RBPJ: variants seen among roughly 807,000 people sequenced by gnomAD.
RBPJ encodes recombining binding protein suppressor of hairless.
Under a neutral mutation model 67.8 loss-of-function variants are expected in RBPJ, and 9 were observed. The ratio of observed to expected loss-of-function variants is 0.13; its 90% CI spans 0.08 to 0.23. The LOEUF is 0.23. RBPJ is among the 10% of genes least tolerant of loss of function. The pLI, the probability that RBPJ is intolerant of heterozygous loss-of-function variation, is 1.00. For missense variants in RBPJ, 305 were observed against 595.6 expected, an observed-to-expected ratio of 0.51 and a Z score of 5.08; for synonymous variants, 198 against 203.3, an observed-to-expected ratio of 0.97 and a Z score of 0.22.
At chr4:26,320,843 G>C (rs775971882), upstream of RBPJ, 5 of 1,567,338 alleles carry the variant, frequency 3.2e-6, no homozygotes, top group Admixed American at 3.9e-5. Context: ...GCAGCGAGCA[G>C]GATCCCCTAC....
the RBPJ span, among the ~76,000 whole-genome samples, chr4:26,154,889 G>A: frequency 2.6e-5 from 4 of 152,148 alleles, no homozygotes; most frequent in African/African-American, 9.7e-5. Context: ...ATGGTGTGAA[G>A]CCATTAATGA....
intron 1 of RBPJ, among the ~76,000 whole-genome samples, chr4:26,287,368 C>T (rs1431328888): frequency 6.6e-6 from 1 of 151,464 alleles, no homozygotes; most frequent in Non-Finnish European, 1.5e-5. Context: ...AGCGAGACCC[C>T]ATCTCTAGCA....
chr4:26,375,928 A>G (rs181510052), intron 1 of RBPJ, among the ~76,000 whole-genome samples: 203 of 152,198 alleles, frequency 1.3e-3, no homozygotes, highest in African/African-American at 4.7e-3. Flanking sequence ...ATATTCATAC[A>G]TATACTCCTC....
At chr4:26,200,665 A>G (rs975856438) in intron 1 of RBPJ, among the ~76,000 whole-genome samples, 4 of 137,972 alleles carry the variant, frequency 2.9e-5, no homozygotes, top group Non-Finnish European at 6.5e-5. Flanking sequence ...TATCTGAAAA[A>G]AAAAAGAAAA....
intron 1 of RBPJ, among the ~76,000 whole-genome samples, chr4:26,337,390 A>G (rs993296541): frequency 3.3e-5 from 5 of 152,084 alleles, no homozygotes; most frequent in Non-Finnish European, 7.4e-5. Context: ...TTTCCTCTAC[A>G]TAAATTGAAT....
chr4:26,264,391 T>C lies in RBPJ; in HGVS notation c.-166-98055T>C, dbSNP rs1470321262. On this transcript the variant is annotated intron_variant, in intron 1 of 4. Transcript: ENST00000512351. The surrounding 1 kb of genome is among the most constrained non-coding windows in gnomAD (Gnocchi z 4.1). ...AGTCTGGAGCACTATGACAGCCTTC[T>C]GACTAACCTCCCTATCTCTCTTCTT... 6.6e-6 allele frequency among the ~76,000 whole-genome samples: 1 copy of C among 152,220 alleles called. No individual in the cohort carries two copies. Among genetic ancestry groups the C allele is most frequent in the Admixed American group, 6.5e-5 (1 of 15,278 alleles).
At chr4:26,283,010 A>C (rs561743011) in intron 1 of RBPJ, among the ~76,000 whole-genome samples, 131 of 135,324 alleles carry the variant, frequency 9.7e-4, no homozygotes, top group Non-Finnish European at 1.7e-3. Flanking sequence ...GGCTCACTGC[A>C]AGCTCCTCCT....
intron 3 of RBPJ, 43 bp from the exon 4 acceptor site, chr4:26,415,432 G>A (rs1369892171): frequency 1.4e-6 from 2 of 1,429,424 alleles, no homozygotes; most frequent in Non-Finnish European, 1.9e-6. Flanking sequence ...GAATCTAATT[G>A]ATTTTTGCTT....
chr4:26,151,195 G>T, the RBPJ span, among the ~76,000 whole-genome samples: 3 of 152,146 alleles, frequency 2.0e-5, no homozygotes, highest in Admixed American at 1.3e-4. Context: ...TGCATTTGGG[G>T]TTTTTTCCAG....
chr4:26,107,433 C>A, the RBPJ span, among the ~76,000 whole-genome samples: 1 of 152,224 alleles, frequency 6.6e-6, no homozygotes, highest in Non-Finnish European at 1.5e-5. Context: ...TGCAGGACAC[C>A]ACTTCAAATG....
At chr4:26,214,625 A>AG (rs1718573181) in intron 1 of RBPJ, among the ~76,000 whole-genome samples, 2 of 72,710 alleles carry the variant, frequency 2.8e-5, no homozygotes, top group African/African-American at 1.5e-4. Context: ...AAAAAGAAAA[A>AG]AGAGAAAGAA....
At chr4:26,242,266 T>A (rs1719664797) in intron 1 of RBPJ, among the ~76,000 whole-genome samples, 1 of 151,524 alleles carries the variant, frequency 6.6e-6, no homozygotes, top group Non-Finnish European at 1.5e-5. Context: ...GCTAACATGG[T>A]GAAACCCCAT....
intron 1 of RBPJ, among the ~76,000 whole-genome samples, chr4:26,351,563 TAGAG>T (rs940016413): frequency 1.3e-5 from 2 of 152,142 alleles, no homozygotes; most frequent in Non-Finnish European, 2.9e-5. Context: ...GTATTTTTTG[TAGAG>T]AGAGGGTCTC....
chr4:26,328,495 G>A (rs890851595), intron 1 of RBPJ, among the ~76,000 whole-genome samples: 1 of 152,188 alleles, frequency 6.6e-6, no homozygotes, highest in Non-Finnish European at 1.5e-5. Context: ...GAACACAGAT[G>A]TAAATGATTA....
chr4:26,386,323 A>T, intron 1 of RBPJ, 30 bp from the exon 2 acceptor site: 1 of 1,535,290 alleles, frequency 6.5e-7, no homozygotes, highest in East Asian at 2.3e-5. Flanking sequence ...AGCTTACTTA[A>T]CTTTATTTTC....
the RBPJ span, among the ~76,000 whole-genome samples, chr4:26,120,967 G>A: frequency 6.6e-6 from 1 of 151,628 alleles, no homozygotes; most frequent in Non-Finnish European, 1.5e-5. Context: ...GGGGGGAAAG[G>A]AGAGGGAGAG....
intron 4 of RBPJ, among the ~76,000 whole-genome samples, chr4:26,419,941 CAA>C (rs762855752): frequency 2.0e-5 from 3 of 152,018 alleles, no homozygotes; most frequent in Non-Finnish European, 4.4e-5. Flanking sequence ...TCCTTTTGGG[CAA>C]AGTTAACCAT....
At chr4:26,110,394 C>G in the RBPJ span, among the ~76,000 whole-genome samples, 1 of 152,142 alleles carries the variant, frequency 6.6e-6, no homozygotes, top group African/African-American at 2.4e-5. The surrounding 1 kb of genome is among the most constrained non-coding windows in gnomAD (Gnocchi z 4.5). Context: ...CTGTGGCTGT[C>G]TCTTTGGAAA....
At chr4:26,150,068 T>A in the RBPJ span, among the ~76,000 whole-genome samples, 3 of 152,242 alleles carry the variant, frequency 2.0e-5, no homozygotes, top group South Asian at 6.2e-4. Context: ...GAGAAACACA[T>A]GTCTCTGAAA....
Sources: gnomAD v4.1 joint callset for allele counts (sites outside exome capture counted in the v4.1 genomes callset) on GRCh38, gnomAD v4.1.1 for gene constraint, Gnocchi (gnomAD v3.1) non-coding constraint, MANE v1.5 for transcripts, NCBI Gene and HGNC (gene_info 2026-07-23, HGNC 2026-07-21) for gene names.